Variants in TMEM117 observed in about 807,000 individuals in gnomAD.
The protein encoded by TMEM117 is transmembrane protein 117.
In TMEM117, 27 loss-of-function variants were observed where a neutral mutation model predicts 52.4. That is an observed-to-expected ratio of 0.51 (90% CI 0.38 to 0.71). The LOEUF is 0.71. Among genes scored for constraint, TMEM117 ranks in the 30% least tolerant of loss-of-function variants. The probability of loss-of-function intolerance (pLI) is 0.00; values close to 1 mark genes in which losing one functional copy is unlikely to be tolerated. For missense variants in TMEM117, 556 were observed against 630.5 expected (o/e 0.88, Z 1.26); for synonymous variants, 215 against 206.3 (o/e 1.04, Z -0.36).
chr12:44,372,588 C>A (rs1476101629), intron 6 of TMEM117, among the ~76,000 whole-genome samples: 27 of 149,942 alleles, frequency 1.8e-4, no homozygotes, highest in Admixed American at 3.3e-4. Context: ...AAATGACATC[C>A]CTGTGATGAA....
intron 3 of TMEM117, among the ~76,000 whole-genome samples, chr12:44,004,891 A>G (rs1285755057): frequency 1.3e-5 from 2 of 152,172 alleles, no homozygotes; most frequent in African/African-American, 4.8e-5. Flanking sequence ...AAGAAATATC[A>G]TGCAGAAGGC....
chr12:44,126,488 C>T (rs978676353), intron 3 of TMEM117, among the ~76,000 whole-genome samples: 1 of 152,146 alleles, frequency 6.6e-6, no homozygotes, highest in Non-Finnish European at 1.5e-5. Context: ...CAGATTCTAC[C>T]TGTGTTCTTC....
intron 3 of TMEM117, among the ~76,000 whole-genome samples, chr12:44,121,652 A>G (rs1044591593): frequency 6.6e-6 from 1 of 152,180 alleles, no homozygotes; most frequent in African/African-American, 2.4e-5. Context: ...ACAGTAGCCT[A>G]TTAGTAGGTA....
At chr12:44,124,804 C>T (rs941724233) in intron 3 of TMEM117, among the ~76,000 whole-genome samples, 2 of 152,104 alleles carry the variant, frequency 1.3e-5, no homozygotes, top group Non-Finnish European at 2.9e-5. Context: ...TTCGGTTTGT[C>T]AATATTTTGT....
In TMEM117 at chr12:44,180,443, G is replaced by A. The variant is rs370988449; in HGVS notation, c.511-30847G>A. On this transcript the variant is annotated intron_variant, in intron 4 of 7. Transcript: ENST00000266534. ...ATGTATACATGTGCCATGCTGGTGC[G>A]CTGCACCCACTAACTCGTCATCTAG... Among the ~76,000 whole-genome samples the A allele has an allele frequency of 1.6e-3, 242 of 148,732 alleles. 2 individuals are homozygous for A. The highest frequency in any genetic ancestry group is 5.5e-3 in the African/African-American group (222 of 40,516).
At chr12:43,938,307 G>A (rs1056428969) in intron 2 of TMEM117, among the ~76,000 whole-genome samples, 1 of 149,474 alleles carries the variant, frequency 6.7e-6, no homozygotes, top group Non-Finnish European at 1.5e-5. Flanking sequence ...TAATCCTAAG[G>A]CTTAGTTAAA....
chr12:44,007,265 T>G (rs1237524114), intron 3 of TMEM117, among the ~76,000 whole-genome samples: 1 of 152,202 alleles, frequency 6.6e-6, no homozygotes, highest in South Asian at 2.1e-4. Context: ...ATTTTCATTT[T>G]ATGTTCATTT....
downstream of TMEM117, among the ~76,000 whole-genome samples, chr12:44,392,134 C>G (rs78649011): frequency 0.013 from 2,051 of 152,210 alleles, 39 homozygotes; most frequent in African/African-American, 0.047. Context: ...TGGGTTGCTT[C>G]CATTTAGACT....
intron 3 of TMEM117, among the ~76,000 whole-genome samples, chr12:44,072,579 G>C (rs576096649): frequency 2.0e-4 from 31 of 152,278 alleles, no homozygotes; most frequent in Non-Finnish European, 3.7e-4. Context: ...CTCAGGTTAG[G>C]CAGGGCTTTT....
chr12:44,065,020 T>C (rs1947200788), intron 3 of TMEM117, among the ~76,000 whole-genome samples: 1 of 152,186 alleles, frequency 6.6e-6, no homozygotes, highest in African/African-American at 2.4e-5. Context: ...AAAATAAAAA[T>C]ACAATAGCCC....
chr12:44,027,155 T>TTTTATTTTAGTTTAG (rs1565797895), intron 3 of TMEM117, among the ~76,000 whole-genome samples: 7 of 126,894 alleles, frequency 5.5e-5, no homozygotes, highest in African/African-American at 2.4e-4. Context: ...TTTTATTTTA[T>TTTTATTTTAGTTTAG]TTTATTTTAT....
At chr12:44,379,797 AGCCCTGG>A (rs1951994809) in intron 7 of TMEM117, among the ~76,000 whole-genome samples, 1 of 152,176 alleles carries the variant, frequency 6.6e-6, no homozygotes, top group Non-Finnish European at 1.5e-5. Flanking sequence ...AGCTCCTCCG[AGCCCTGG>A]TACTTTTTTT....
In TMEM117 at chr12:43,985,006, AT is replaced by A. The variant is rs35956466; in HGVS notation, c.410+40673del. Among the ~76,000 whole-genome samples, 1,076 of 151,562 alleles carry A rather than the reference AT, an allele frequency of 7.1e-3. 7 individuals are homozygous for A. Among genetic ancestry groups the A allele is most frequent in the Non-Finnish European group, 0.012 (816 of 67,820 alleles). Reference sequence around the variant, plus strand: ...TTTATTTGCAACTTCTCTCTTTGAGATTTTTTTTTGTACTTACCTAACATGC... The same window carrying A: ...TTTATTTGCAACTTCTCTCTTTGAGATTTTTTTTGTACTTACCTAACATGC... On this transcript the variant is annotated intron_variant, in intron 3 of 7. Transcript: ENST00000266534.
At chr12:44,039,140 C>T (rs1209485918) in intron 3 of TMEM117, among the ~76,000 whole-genome samples, 2 of 152,124 alleles carry the variant, frequency 1.3e-5, no homozygotes, top group South Asian at 2.1e-4. Flanking sequence ...AGAAATTCTT[C>T]TGCAAAAGAT....
intron 2 of TMEM117, among the ~76,000 whole-genome samples, chr12:43,871,734 T>G (rs752808821): frequency 1.3e-5 from 2 of 152,224 alleles, no homozygotes; most frequent in Non-Finnish European, 2.9e-5. Context: ...TGTATGCTAA[T>G]AAGAAGCTAA....
intron 2 of TMEM117, among the ~76,000 whole-genome samples, chr12:43,856,127 A>G (rs911225591): frequency 6.6e-6 from 1 of 152,204 alleles, no homozygotes; most frequent in African/African-American, 2.4e-5. Flanking sequence ...GATTATTTTA[A>G]TAATTGTATT....
chr12:44,114,366 T>G (rs536404200), intron 3 of TMEM117, among the ~76,000 whole-genome samples: 1 of 152,308 alleles, frequency 6.6e-6, no homozygotes, highest in Non-Finnish European at 1.5e-5. Context: ...TAAAACGATT[T>G]TATAACTAGA....
intron 3 of TMEM117, among the ~76,000 whole-genome samples, chr12:44,105,256 C>G (rs147302934): frequency 3.0e-4 from 46 of 152,018 alleles, no homozygotes; most frequent in African/African-American, 9.2e-4. Flanking sequence ...TCCTAGTTTA[C>G]TAAGGAGCTC....
At chr12:44,045,352 G>C (rs182116865) in intron 3 of TMEM117, among the ~76,000 whole-genome samples, 38 of 152,274 alleles carry the variant, frequency 2.5e-4, no homozygotes, top group African/African-American at 8.7e-4. Context: ...CCTGGTAGTA[G>C]GTTGACTATA....
Sources: allele counts gnomAD v4.1 joint callset (sites outside exome capture counted in the v4.1 genomes callset), GRCh38; gene constraint gnomAD v4.1.1; transcripts MANE v1.5; gene names NCBI Gene and HGNC (gene_info 2026-07-23, HGNC 2026-07-21).